Variants in NDUFAF6 observed in about 807,000 individuals in gnomAD.
The protein encoded by NDUFAF6 is NADH dehydrogenase (ubiquinone) complex I, assembly factor 6.
In NDUFAF6, 45 loss-of-function variants were observed where a neutral mutation model predicts 40.8. The observed-to-expected ratio is 1.10, with a 90% confidence interval of 0.87 to 1.42. The LOEUF (loss-of-function observed/expected upper bound fraction) is 1.42, where lower values mean the gene tolerates loss of function less well. Ranked by LOEUF, NDUFAF6 falls within the 40% of genes most tolerant of loss-of-function variation. The probability of loss-of-function intolerance (pLI) is 0.00; values close to 1 mark genes in which losing one functional copy is unlikely to be tolerated. For synonymous variants in NDUFAF6, 185 were observed against 155.9 expected, an observed-to-expected ratio of 1.19 and a Z score of -1.39; for missense variants, 435 against 418.5, an observed-to-expected ratio of 1.04 and a Z score of -0.34.
downstream of NDUFAF6, among the ~76,000 whole-genome samples, chr8:95,080,016 T>G (rs71532345): frequency 2.2e-5 from 2 of 88,894 alleles, no homozygotes; most frequent in Admixed American, 2.4e-4. Flanking sequence ...AGTGATTTTT[T>G]GTAGTGTATT....
downstream of NDUFAF6, among the ~76,000 whole-genome samples, chr8:95,060,466 A>C (rs1299558475): frequency 2.0e-5 from 3 of 152,236 alleles, no homozygotes; most frequent in Non-Finnish European, 4.4e-5. Flanking sequence ...AATTGGCAAT[A>C]TTCTTTCTCT....
chr8:94,940,299 A>G, intron 1 of NDUFAF6: 2 of 1,479,368 alleles, frequency 1.4e-6, no homozygotes, highest in Non-Finnish European at 1.8e-6. Flanking sequence ...TTGGGCAGTC[A>G]TTATAAAGTC....
At chr8:94,910,715 C>G (rs937117917) in intron 1 of NDUFAF6, among the ~76,000 whole-genome samples, 5 of 152,178 alleles carry the variant, frequency 3.3e-5, no homozygotes, top group Non-Finnish European at 5.9e-5. Context: ...TCACAGATTA[C>G]ATTCAGTAAT....
upstream of NDUFAF6, among the ~76,000 whole-genome samples, chr8:94,953,371 A>AG (rs1563744187): frequency 2.6e-5 from 4 of 151,706 alleles, no homozygotes; most frequent in Non-Finnish European, 5.9e-5. Context: ...CAAAAAAAAA[A>AG]CCTTTGAGCA....
At chr8:95,007,445 C>G (rs999492826) in intron 2 of NDUFAF6, among the ~76,000 whole-genome samples, 4 of 152,102 alleles carry the variant, frequency 2.6e-5, no homozygotes, top group African/African-American at 7.2e-5. Flanking sequence ...AGGAAGATCA[C>G]TTGAGCTCAG....
chr8:94,985,176 T>G (rs2131594272), intron 2 of NDUFAF6, among the ~76,000 whole-genome samples: 1 of 152,006 alleles, frequency 6.6e-6, no homozygotes, highest in Admixed American at 6.6e-5. Context: ...CAAAAACTTC[T>G]TTTTGCCTCT....
upstream of NDUFAF6, chr8:95,023,204 T>C (rs1385137213): frequency 6.6e-6 from 1 of 152,246 alleles, no homozygotes; most frequent in Non-Finnish European, 1.5e-5. Context: ...ACAGTGGACT[T>C]GTTCTCAAGT....
At chr8:95,048,639 T>G in intron 7 of NDUFAF6, 81 bp downstream of exon 7, 1 of 985,654 alleles carries the variant, frequency 1.0e-6, no homozygotes, top group Non-Finnish European at 1.6e-6. Flanking sequence ...GGTTATGATA[T>G]TCCCAACTTG....
intron 1 of NDUFAF6, among the ~76,000 whole-genome samples, chr8:94,899,325 T>A (rs188266656): frequency 6.6e-6 from 1 of 152,384 alleles, no homozygotes; most frequent in Non-Finnish European, 1.5e-5. Context: ...GACCTCTAGA[T>A]GTCCACAGAA....
chr8:95,103,988 G>T (rs1809736758), downstream of NDUFAF6, among the ~76,000 whole-genome samples: 1 of 152,128 alleles, frequency 6.6e-6, no homozygotes, highest in South Asian at 2.1e-4. Context: ...TGCTCCATCA[G>T]TTCCAACCAC....
At chr8:95,046,504 A>T (rs957515626) in intron 5 of NDUFAF6, among the ~76,000 whole-genome samples, 1 of 152,210 alleles carries the variant, frequency 6.6e-6, no homozygotes, top group Non-Finnish European at 1.5e-5. Context: ...ATCTCATTTG[A>T]AGAAGGTAAT....
At chr8:94,962,259 T>C (rs1237389233) in intron 1 of NDUFAF6, among the ~76,000 whole-genome samples, 1 of 152,250 alleles carries the variant, frequency 6.6e-6, no homozygotes, top group African/African-American at 2.4e-5. Flanking sequence ...AGGAGGAGAC[T>C]GGGTCTCTGA....
At chr8:95,013,392 T>C (rs1827305916) in intron 2 of NDUFAF6, among the ~76,000 whole-genome samples, 6 of 152,246 alleles carry the variant, frequency 3.9e-5, no homozygotes, top group Admixed American at 3.3e-4. Context: ...AGGTGTGAGC[T>C]ACTGCTCCCA....
At chr8:94,926,626 A>T (rs556133231) in intron 1 of NDUFAF6, 4 of 151,812 alleles carry the variant, frequency 2.6e-5, no homozygotes, top group African/African-American at 9.7e-5. Context: ...CACAATTTTT[A>T]AAAGTGTCGT....
At chr8:95,016,541 G>A (rs1395025934) in intron 2 of NDUFAF6, among the ~76,000 whole-genome samples, 3 of 152,108 alleles carry the variant, frequency 2.0e-5, no homozygotes, top group African/African-American at 7.2e-5. Context: ...TCAAGAGATC[G>A]AGACCATCCT....
rs554297510 is a variant in NDUFAF6 at position 95,109,573 on chromosome 8, G to A, written n.345-5963G>A. ...ATGTAATCATAGATAGAGATGTAGC[G>A]TTAGATAGATAGATAGAGAGAGAGA... is the stretch of plus-strand genomic sequence containing the variant. On this transcript the variant is annotated intron_variant and non_coding_transcript_variant, in intron 4 of 5. Coordinates refer to the NDUFAF6 transcript ENST00000523184. 5.8e-4 allele frequency among the ~76,000 whole-genome samples: 25 copies of A among 42,796 alleles called. No individual in the cohort carries two copies. The East Asian group carries it at 0.026, about 45-fold the overall frequency. 28.1% of individuals were successfully genotyped at this position (42,796 alleles called of 152,430 possible).
Position 95,058,493 on chromosome 8 carries a change from A to G in NDUFAF6, c.*556A>G, listed in dbSNP as rs1436597998. 1 of 1,227,842 alleles carries G rather than the reference A, an allele frequency of 8.1e-7. No individual in the cohort carries two copies. The highest frequency in any genetic ancestry group is 4.2e-5 in the Admixed American group (1 of 23,584). The allele number at this position is 1,227,842 out of a possible 1,614,324, so 76.1% of individuals were successfully genotyped here. On this transcript the variant is annotated 3_prime_UTR_variant, in exon 9 of 9. Transcript: ENST00000396124. Reference sequence around the variant, plus strand: ...GTGTAAAAATTTATCCATGATAATAACATAACTTCTTTAAGGTTGGAGTGG... The same window carrying G: ...GTGTAAAAATTTATCCATGATAATAGCATAACTTCTTTAAGGTTGGAGTGG...
intron 1 of NDUFAF6, among the ~76,000 whole-genome samples, chr8:94,904,116 TTTTTTG>T (rs1391292117): frequency 4.0e-5 from 6 of 151,842 alleles, no homozygotes; most frequent in Admixed American, 1.3e-4. Context: ...AACCATGTGT[TTTTTTG>T]TTTTTGTTTT....
chr8:94,926,904 A>G (rs975142052), intron 1 of NDUFAF6: 5 of 152,246 alleles, frequency 3.3e-5, no homozygotes, highest in African/African-American at 1.2e-4. Flanking sequence ...TAAAGTAAGT[A>G]GATAGGGATG....
Sources: allele counts gnomAD v4.1 joint callset (sites outside exome capture counted in the v4.1 genomes callset), GRCh38; gene constraint gnomAD v4.1.1; transcripts MANE v1.5; gene names NCBI Gene and HGNC (gene_info 2026-07-23, HGNC 2026-07-21).